The following CFAP43 variants were observed in gnomAD, a reference collection of about 807,000 sequenced individuals.
The protein encoded by CFAP43 is cilia- and flagella-associated protein 43.
CFAP43 carries 155 observed loss-of-function variants against 218.9 expected under a neutral mutation model. That is an observed-to-expected ratio of 0.71 (90% confidence interval 0.62 to 0.81). CFAP43 has a LOEUF of 0.81. CFAP43 is among the 30% of genes least tolerant of loss of function. The probability of loss-of-function intolerance (pLI) is 0.00; values close to 1 mark genes in which losing one functional copy is unlikely to be tolerated. For missense variants in CFAP43, 1,778 were observed against 1,954.3 expected (o/e 0.91, Z 1.70); for synonymous variants, 645 against 681.3 (o/e 0.95, Z 0.83).
chr10:104,214,920 G>A (rs1035006443), intron 3 of CFAP43, among the ~76,000 whole-genome samples: 10 of 152,032 alleles, frequency 6.6e-5, no homozygotes, highest in Non-Finnish European at 1.2e-4. Context: ...GGTGGATCAC[G>A]AGGTCAGGAG....
At chr10:104,145,627 A>G (rs528167700) in intron 30 of CFAP43, 63 bp from the exon 31 acceptor site, 2 of 1,024,780 alleles carry the variant, frequency 2.0e-6, no homozygotes, top group African/African-American at 1.8e-5. Flanking sequence ...TTTGTTGACA[A>G]TACTCTTCAA....
At chr10:104,229,274 GC>G (rs2091383502) in intron 2 of CFAP43, among the ~76,000 whole-genome samples, 1 of 152,146 alleles carries the variant, frequency 6.6e-6, no homozygotes, top group African/African-American at 2.4e-5. Context: ...TGAGCTTTCT[GC>G]CCATGGGGTG....
Position 104,140,995 on chromosome 10 carries a change from C to G in CFAP43, c.4278G>C (p.Gln1426His). Residue 1426 changes from glutamine to histidine, a missense_variant, in exon 34 of 38, where the codon CAG becomes CAC. Coordinates refer to ENST00000357060, the MANE Select transcript of CFAP43 (RefSeq NM_025145.7). Reference protein sequence around the residue: ...ERVFHELILLQEEKVRFQLNL... With the variant: ...ERVFHELILLHEEKVRFQLNL... ...TCAACTGGAATCTCACTTTCTCTTC[C>G]TGTAATCTGAATTGAAAAGTACTTC... 6.2e-7 allele frequency: 1 copy of G among 1,608,982 alleles called. No individual in the cohort carries two copies. Among genetic ancestry groups the G allele is most frequent in the Non-Finnish European group, 8.5e-7 (1 of 1,178,022 alleles).
Position 104,152,868 on chromosome 10 carries a change from G to C in CFAP43, c.3541-142C>G, listed in dbSNP as rs1163841420. On this transcript the variant is annotated intron_variant, in intron 27 of 37. Coordinates refer to ENST00000357060, the MANE Select transcript of CFAP43 (RefSeq NM_025145.7). The stretch of plus-strand genomic sequence containing the variant: ...CTGGGCTCTGTACTCTCTTAAACCA[G>C]AGATGCTCCCACTTGGATCTGTTTA... 2.9e-4 allele frequency: 234 copies of C among 797,706 alleles called. 1 individual carries two copies. Among genetic ancestry groups the C allele is most frequent in the Non-Finnish European group, 1.7e-5 (9 of 526,556 alleles). The allele number at this position is 797,706 out of a possible 1,614,324, so 49.4% of individuals were successfully genotyped here. A position where few individuals can be genotyped will look rare whatever the true frequency, so the allele number is the denominator to read the frequency against.
chr10:104,157,775 T>TGTGTGTGTGAGA (rs1484523345), intron 27 of CFAP43, among the ~76,000 whole-genome samples: 1 of 90,160 alleles, frequency 1.1e-5, no homozygotes, highest in Non-Finnish European at 2.1e-5. Flanking sequence ...TGTGTGTGTG[T>TGTGTGTGTGAGA]GAGAGAGAGA....
At chr10:104,199,900 C>T (rs111589127) in intron 8 of CFAP43, among the ~76,000 whole-genome samples, 3,130 of 152,120 alleles carry the variant, frequency 0.021, 45 homozygotes, top group Non-Finnish European at 0.031. Context: ...GACAAGATAA[C>T]GAAGGAATTC....
At chr10:104,147,441 T>C (rs1483822970) in intron 29 of CFAP43, among the ~76,000 whole-genome samples, 1 of 151,570 alleles carries the variant, frequency 6.6e-6, no homozygotes, top group Non-Finnish European at 1.5e-5. Flanking sequence ...ATATTTAGAG[T>C]TTTTCATAAT....
intron 17 of CFAP43, among the ~76,000 whole-genome samples, chr10:104,181,224 T>C (rs1461740130): frequency 6.6e-6 from 1 of 152,084 alleles, no homozygotes; most frequent in Non-Finnish European, 1.5e-5. Context: ...AGTAAAACAA[T>C]CTAGGAGTTC....
chr10:104,140,719 G>A (rs998606800), intron 34 of CFAP43, 123 bp downstream of exon 34: 10 of 669,616 alleles, frequency 1.5e-5, no homozygotes, highest in African/African-American at 1.9e-5. Context: ...AGGTGAAGGT[G>A]GGAGGATCTA....
rs535016005 is a variant in CFAP43 at position 104,182,354 on chromosome 10, T to C, written c.2289+12A>G. ...AATGTAAGCAAGCAAGCTAGTCATA[T>C]AGGAACTCAACTGTGTGTTCAGAAT... is the stretch of plus-strand genomic sequence containing the variant. On this transcript the variant is annotated intron_variant, in intron 17 of 37. Coordinates refer to ENST00000357060, the MANE Select transcript of CFAP43 (RefSeq NM_025145.7). 9 of 1,575,656 alleles carry C rather than the reference T, an allele frequency of 5.7e-6. No homozygotes were observed. In the East Asian group the frequency reaches 9.3e-5, roughly 16 times the overall value.
Position 104,179,013 on chromosome 10 carries a change from A to G in CFAP43, c.2460+16T>C, listed in dbSNP as rs1223551185. On this transcript the variant is annotated intron_variant, in intron 19 of 37. Transcript: ENST00000357060. Reference sequence around the variant, plus strand: ...TGAGGGCCAAAGGTATTAGAATATGAAATTACAACACTTACAGTTTTGGAA... The same window carrying G: ...TGAGGGCCAAAGGTATTAGAATATGGAATTACAACACTTACAGTTTTGGAA... 1.9e-6 allele frequency: 3 copies of G among 1,598,426 alleles called. No individual in the cohort carries two copies. Among genetic ancestry groups the G allele is most frequent in the Non-Finnish European group, 2.6e-6 (3 of 1,167,278 alleles).
rs1452546122 is a variant in CFAP43, at chr10:104,232,339, G to T, written c.-93C>A. 5.4e-6 allele frequency: 7 copies of T among 1,300,210 alleles called. No homozygotes were observed. The highest frequency in any genetic ancestry group is 1.5e-5 in the South Asian group (1 of 66,518). The allele number at this position is 1,300,210 out of a possible 1,614,324, so 80.5% of individuals were successfully genotyped here. ...CCGCCGCCGCGGGGCTGCGGGCCGCGACGCCGCTGCTGTGTACACCCGTAT... is the reference window on the plus strand; with the variant it reads ...CCGCCGCCGCGGGGCTGCGGGCCGCTACGCCGCTGCTGTGTACACCCGTAT... On this transcript the variant is annotated 5_prime_UTR_variant, in exon 1 of 38. Transcript: ENST00000357060.
chr10:104,147,937 C>T lies in CFAP43; in HGVS notation c.3722G>A (p.Arg1241Lys), dbSNP rs1025560744. Reference protein sequence around the residue: ...SLLLDEELSSREKFLNNYLTR... With the variant: ...SLLLDEELSSKEKFLNNYLTR... ...AAGGTAGTTGTTCAGGAATTTTTCT[C>T]TAGAGCTTAATTCTTCATCCAACAA... Residue 1241 changes from arginine to lysine, a missense_variant, in exon 29 of 38, where the codon AGA (arginine) becomes AAA (lysine). Coordinates refer to ENST00000357060, the MANE Select transcript of CFAP43 (RefSeq NM_025145.7). 4 of 1,603,624 alleles carry T rather than the reference C, an allele frequency of 2.5e-6. No homozygotes were observed. The African/African-American group carries it at 5.4e-5, about 22-fold the overall frequency.
intron 31 of CFAP43, among the ~76,000 whole-genome samples, chr10:104,144,733 A>G (rs906215606): frequency 6.6e-6 from 1 of 152,238 alleles, no homozygotes; most frequent in African/African-American, 2.4e-5. Context: ...TTGTATCTCA[A>G]ACACAAACTA....
At chr10:104,130,893 G>T (rs529782706) in intron 37 of CFAP43, among the ~76,000 whole-genome samples, 2 of 151,938 alleles carry the variant, frequency 1.3e-5, no homozygotes, top group Middle Eastern at 3.4e-3. Flanking sequence ...AGGCACTTGA[G>T]GGGGCTGAGG....
Position 104,214,264 on chromosome 10 carries a change from T to C in CFAP43, c.579A>G (p.Arg193=). The C allele has an allele frequency of 6.3e-7, 1 of 1,590,138 alleles. No homozygotes were observed. The highest frequency in any genetic ancestry group is 8.6e-7 in the Non-Finnish European group (1 of 1,169,172). ...GTTGTAACAAAGGCTCCTACCTTGCTCTGAAACAATGCTCCTGGTTACTTC... is the reference window on the plus strand; with the variant it reads ...GTTGTAACAAAGGCTCCTACCTTGCCCTGAAACAATGCTCCTGGTTACTTC... The part of the protein sequence containing the change: ...IERSNQEHCF[R]ARSVKLPLED... Residue 193 remains arginine, a synonymous_variant, in exon 4 of 38, where the codon AGA becomes AGG. Transcript: ENST00000357060.
At chr10:104,213,051 G>A (rs893188422) in intron 4 of CFAP43, among the ~76,000 whole-genome samples, 1 of 152,136 alleles carries the variant, frequency 6.6e-6, no homozygotes, top group East Asian at 1.9e-4. Flanking sequence ...TAAATTACTT[G>A]CCTGCCCTCA....
At position 104,160,946 on chromosome 10, in the gene CFAP43, T is replaced by C. The variant is rs1038572991; in HGVS notation, c.3540+91A>G. 4 of 1,296,756 alleles carry C rather than the reference T, an allele frequency of 3.1e-6. No individual in the cohort carries two copies. The African/African-American group carries it at 5.9e-5, about 19-fold the overall frequency. The allele number at this position is 1,296,756 out of a possible 1,614,324, so 80.3% of individuals were successfully genotyped here. On this transcript the variant is annotated intron_variant, in intron 27 of 37. Transcript: ENST00000357060. The stretch of plus-strand genomic sequence containing the variant: ...AGCTGAAACACTGTCCTTAAGCTAT[T>C]AAAGATATCGACAAAGTAGAAAACA...
At chr10:104,159,490 AACTGATGAGTAATG>A (rs2088759684) in intron 27 of CFAP43, among the ~76,000 whole-genome samples, 1 of 152,116 alleles carries the variant, frequency 6.6e-6, no homozygotes, top group African/African-American at 2.4e-5. Context: ...GAAGAGGGTA[AACTGATGAGTAATG>A]ACATTGAGTA....
Sources: allele counts gnomAD v4.1 joint callset (sites outside exome capture counted in the v4.1 genomes callset), GRCh38; gene constraint gnomAD v4.1.1; transcripts MANE v1.5; gene names NCBI Gene and HGNC (gene_info 2026-07-23, HGNC 2026-07-21).